Variants in PLCB1 observed in about 807,000 individuals in gnomAD.
PLCB1 encodes the protein 1-phosphatidylinositol 4,5-bisphosphate phosphodiesterase beta-1.
Under a neutral mutation model 161.8 loss-of-function variants are expected in PLCB1, and 46 were observed. The observed-to-expected ratio is 0.28, with a 90% CI of 0.22 to 0.36. The LOEUF is 0.36. Among genes scored for constraint, PLCB1 ranks in the 10% least tolerant of loss-of-function variants. The pLI is 1.00. For synonymous variants in PLCB1, 517 were observed against 503.7 expected (o/e 1.03, Z -0.35); for missense variants, 1,016 against 1,472.5 (o/e 0.69, Z 5.07).
intron 31 of PLCB1, among the ~76,000 whole-genome samples, chr20:8,815,846 T>A (rs906263367): frequency 1.3e-5 from 2 of 152,226 alleles, no homozygotes; most frequent in Non-Finnish European, 2.9e-5. Context: ...ATAGTTTTCC[T>A]CTATAGCATC....
At chr20:8,185,627 G>A (rs561659196) in intron 2 of PLCB1, among the ~76,000 whole-genome samples, 1 of 151,592 alleles carries the variant, frequency 6.6e-6, no homozygotes, top group South Asian at 2.1e-4. Context: ...ACACTTTAAG[G>A]AAAATGTTTA....
chr20:8,628,182 G>A (rs1988416859), intron 3 of PLCB1, 112 bp from the exon 4 acceptor site: 7 of 864,842 alleles, frequency 8.1e-6, no homozygotes. Context: ...TTTCTAGTAA[G>A]AATAAAAGCA....
intron 3 of PLCB1, among the ~76,000 whole-genome samples, chr20:8,567,594 G>A (rs1568511300): frequency 6.6e-6 from 1 of 151,982 alleles, no homozygotes; most frequent in Non-Finnish European, 1.5e-5. Context: ...CAATGTCACT[G>A]GCATGCATCA....
chr20:8,449,575 C>A (rs572681232), intron 3 of PLCB1, among the ~76,000 whole-genome samples: 1 of 152,172 alleles, frequency 6.6e-6, no homozygotes, highest in African/African-American at 2.4e-5. Flanking sequence ...GGATGGTTTC[C>A]GGGTAAACTC....
chr20:8,405,501 G>A (rs375558853), intron 3 of PLCB1, among the ~76,000 whole-genome samples: 16 of 152,306 alleles, frequency 1.1e-4, no homozygotes, highest in East Asian at 7.7e-4. Flanking sequence ...CGATTTAGCA[G>A]TAGGGAAATA....
At chr20:8,224,378 A>G (rs1568596418) in intron 2 of PLCB1, among the ~76,000 whole-genome samples, 1 of 123,208 alleles carries the variant, frequency 8.1e-6, no homozygotes, top group Admixed American at 8.4e-5. Context: ...AGACCTAAAC[A>G]TTAAAGTATT....
rs142909447 is a variant in PLCB1 at position 8,438,364 on chromosome 20, A to G, written c.246+66914A>G. ...TTTTTATAACTGTAGAGTGGGAGAAAACATTTTTAGACATAGCGCAAAACC... is the reference window on the plus strand; with the variant it reads ...TTTTTATAACTGTAGAGTGGGAGAAGACATTTTTAGACATAGCGCAAAACC... On this transcript the variant is annotated intron_variant, in intron 3 of 31. Coordinates refer to ENST00000338037, the MANE Select transcript of PLCB1 (RefSeq NM_015192.4). Among the ~76,000 whole-genome samples the G allele has an allele frequency of 7.5e-3, 1,149 of 152,328 alleles. 12 individuals are homozygous for G. The highest frequency in any genetic ancestry group is 0.026 in the African/African-American group (1,062 of 41,568).
rs8126283 is a variant in PLCB1 at position 8,485,889 on chromosome 20, C to T, written c.246+114439C>T. 9.7e-3 allele frequency among the ~76,000 whole-genome samples: 1,474 copies of T among 152,264 alleles called. 25 individuals carry two copies. Among genetic ancestry groups the T allele is most frequent in the African/African-American group, 0.033 (1,364 of 41,532 alleles). ...TGGAGGGTGTATTAGTCTGTTCTCA[C>T]GCTGCTATAAACAACTGCCTGAGAC... On this transcript the variant is annotated intron_variant, in intron 3 of 31. Transcript: ENST00000338037.
chr20:8,177,474 G>T (rs1489253512), intron 2 of PLCB1, among the ~76,000 whole-genome samples: 1 of 152,084 alleles, frequency 6.6e-6, no homozygotes, highest in Non-Finnish European at 1.5e-5. Flanking sequence ...AAATATGACT[G>T]CTCTGGGAGA....
At chr20:8,308,173 A>C (rs1322391182) in intron 2 of PLCB1, among the ~76,000 whole-genome samples, 1 of 152,062 alleles carries the variant, frequency 6.6e-6, no homozygotes, top group Non-Finnish European at 1.5e-5. Context: ...TGAGATAGGA[A>C]GACCTTATTC....
chr20:8,791,319 T>TTG (rs1271970914), intron 31 of PLCB1, among the ~76,000 whole-genome samples: 1 of 151,936 alleles, frequency 6.6e-6, no homozygotes, highest in East Asian at 1.9e-4. Context: ...CCCTCTCAGG[T>TTG]TGATTATGCA....
chr20:8,212,741 G>A (rs1384687035), intron 2 of PLCB1, among the ~76,000 whole-genome samples: 1 of 152,014 alleles, frequency 6.6e-6, no homozygotes, highest in Non-Finnish European at 1.5e-5. Context: ...TTATTTATTT[G>A]CCTCTCGAAG....
At chr20:8,401,351 T>G (rs1458830922) in intron 3 of PLCB1, among the ~76,000 whole-genome samples, 2 of 152,226 alleles carry the variant, frequency 1.3e-5, no homozygotes, top group Non-Finnish European at 2.9e-5. Context: ...GTCAAATTTA[T>G]TAGTCCCTTT....
intron 2 of PLCB1, among the ~76,000 whole-genome samples, chr20:8,321,724 T>A (rs1168293321): frequency 2.0e-5 from 3 of 152,150 alleles, no homozygotes; most frequent in African/African-American, 2.4e-5. Context: ...CACCAAAATA[T>A]TCCCAAATAA....
intron 11 of PLCB1, among the ~76,000 whole-genome samples, chr20:8,698,411 A>G (rs979652769): frequency 6.6e-6 from 1 of 152,116 alleles, no homozygotes; most frequent in Non-Finnish European, 1.5e-5. Context: ...TTCACTCCAC[A>G]TTGTTTAGAA....
At chr20:8,432,377 C>T (rs1399457773) in intron 3 of PLCB1, among the ~76,000 whole-genome samples, 1 of 152,162 alleles carries the variant, frequency 6.6e-6, no homozygotes. Flanking sequence ...TTCCAAGGAC[C>T]TCTTCCCACC....
intron 31 of PLCB1, among the ~76,000 whole-genome samples, chr20:8,829,973 G>A (rs1296069468): frequency 6.6e-6 from 1 of 152,204 alleles, no homozygotes; most frequent in African/African-American, 2.4e-5. Flanking sequence ...GCTTCAGATT[G>A]TCTACATATA....
intron 31 of PLCB1, among the ~76,000 whole-genome samples, chr20:8,842,470 A>G (rs1396422180): frequency 6.6e-6 from 1 of 152,172 alleles, no homozygotes; most frequent in Non-Finnish European, 1.5e-5. Flanking sequence ...TGAACTTAAG[A>G]GATTATGTGG....
At chr20:8,417,069 ATATATTTTT>A (rs1979321678) in intron 3 of PLCB1, among the ~76,000 whole-genome samples, 1 of 84,078 alleles carries the variant, frequency 1.2e-5, no homozygotes, top group African/African-American at 4.2e-5. Flanking sequence ...ATATATATAT[ATATATTTTT>A]TTTTTTTTTT....
Sources: allele counts gnomAD v4.1 joint callset (sites outside exome capture counted in the v4.1 genomes callset), GRCh38; gene constraint gnomAD v4.1.1; transcripts MANE v1.5; gene names NCBI Gene and HGNC (gene_info 2026-07-23, HGNC 2026-07-21).